STAG3: variants seen among roughly 807,000 people sequenced by gnomAD.
STAG3 encodes the protein STAG3 cohesin complex component, also known as cohesin subunit SA-3.
STAG3 carries 101 observed loss-of-function variants against 160.7 expected under a neutral mutation model. That is an observed-to-expected ratio of 0.63 (90% confidence interval 0.54 to 0.74). The LOEUF (loss-of-function observed/expected upper bound fraction) is 0.74. Among genes scored for constraint, STAG3 ranks in the 30% least tolerant of loss-of-function variants. The pLI is 0.00. For synonymous variants in STAG3, 519 were observed against 585.0 expected (o/e 0.89, Z 1.63); for missense variants, 1,188 against 1,517.4 (o/e 0.78, Z 3.61).
chr7:100,178,850 A>T (rs1300458002), intron 1 of STAG3, among the ~76,000 whole-genome samples: 3 of 144,534 alleles, frequency 2.1e-5, no homozygotes, highest in Non-Finnish European at 4.5e-5. Context: ...TTTTTTTGAG[A>T]CAGAGTCTCG....
rs756039501 is a variant in STAG3, at chr7:100,205,322, T to G, written c.3176T>G (p.Val1059Gly). The change falls in exon 29 of 34, where the codon GTG becomes GGG. Residue 1059 changes from valine (V) to glycine (G), a missense_variant. By Grantham distance (109) the Val-to-Gly change is moderately radical (BLOSUM62 -3). Around this residue, in one of 4 missense-constraint regions of STAG3, gnomAD observed 647 missense variants for 717.2 expected, o/e 0.90. Transcript: ENST00000615138. ...ACCTACTGCCACTCCCTCAGCCCTG[T>G]GGAGAACACAGCAGAGACCAGCCCT... is the stretch of plus-strand genomic sequence containing the variant. The part of the protein sequence containing the change: ...VTTYCHSLSP[V>G]ENTAETSPQV... The G allele has an allele frequency of 1.2e-6, 2 of 1,614,170 alleles. No individual in the cohort carries two copies. The highest frequency in any genetic ancestry group is 3.3e-5 in the Admixed American group (2 of 60,026).
rs1332217735 is a variant in STAG3, at chr7:100,189,541, G to T, written c.812G>T (p.Gly271Val). The change falls in exon 8 of 34, where the codon GGG (glycine) becomes GTG (valine). Residue 271 changes from glycine to valine, a missense_variant. Coordinates refer to ENST00000615138, the MANE Select transcript of STAG3 (RefSeq NM_001282717.2). Reference protein sequence around the residue: ...QRQYEAERNKGPGQRAPERLE... With the variant: ...QRQYEAERNKVPGQRAPERLE... ...CAGTATGAGGCTGAAAGAAACAAGG[G>T]GCCAGGGCAGAGGGCACCTGAGCGG... The T allele has an allele frequency of 6.2e-7, 1 of 1,613,986 alleles. No individual in the cohort carries two copies. Among genetic ancestry groups the T allele is most frequent in the Non-Finnish European group, 8.5e-7 (1 of 1,180,036 alleles).
chr7:100,189,136 CTT>C (rs1800204685), intron 7 of STAG3, 120 bp downstream of exon 7: 1 of 1,115,872 alleles, frequency 9.0e-7, no homozygotes, highest in South Asian at 1.5e-5. Context: ...GGCCATGCCT[CTT>C]TTATCCTAAA....
chr7:100,184,749 A>G, intron 4 of STAG3, among the ~76,000 whole-genome samples: 1 of 152,050 alleles, frequency 6.6e-6, no homozygotes, highest in Non-Finnish European at 1.5e-5. Flanking sequence ...TACAGGTGTG[A>G]GCCACCATGC....
In STAG3 at chr7:100,211,014, C is replaced by G; in HGVS notation, c.3242C>G (p.Pro1081Arg). 2 of 1,612,972 alleles carry G rather than the reference C, an allele frequency of 1.2e-6. No individual in the cohort carries two copies. Among genetic ancestry groups the G allele is most frequent in the Non-Finnish European group, 1.7e-6 (2 of 1,179,688 alleles). The change falls in exon 30 of 34, where the codon CCT (proline) becomes CGT (arginine). Residue 1081 changes from proline to arginine, a missense_variant. Transcript: ENST00000615138. ...AATGTATGCATCTGCTTGGCAGGGC[C>G]TGCCAAGCCTAACAGAGAGGACGTC... ...PSSKRRRVEG[P>R]AKPNREDVSS... is the part of the protein sequence containing the mutation.
At chr7:100,196,019 C>T (rs1369837442) in intron 9 of STAG3, among the ~76,000 whole-genome samples, 1 of 151,940 alleles carries the variant, frequency 6.6e-6, no homozygotes, top group African/African-American at 2.4e-5. Flanking sequence ...ATCCCAGCTG[C>T]TCAGGAGGCT....
chr7:100,181,922 CTT>C (rs1196500232), intron 2 of STAG3, among the ~76,000 whole-genome samples, 166 bp from the exon 3 acceptor site: 3 of 141,608 alleles, frequency 2.1e-5, no homozygotes, highest in South Asian at 2.3e-4. Context: ...AAAAAAAAGA[CTT>C]TGTCCCAACT....
intron 31 of STAG3, 33 bp from the exon 32 acceptor site, chr7:100,211,761 GT>G (rs2117539968): frequency 6.2e-7 from 1 of 1,610,322 alleles, no homozygotes; most frequent in Admixed American, 1.7e-5. Flanking sequence ...TCAAAGAACA[GT>G]TTGAAAAGCC....
chr7:100,217,402 C>A (rs1296898120), downstream of STAG3, among the ~76,000 whole-genome samples: 2 of 152,322 alleles, frequency 1.3e-5, no homozygotes. Flanking sequence ...AGGCCTTTGC[C>A]CAGCCTGGTA....
rs763110160 is a variant in STAG3 at position 100,211,038 on chromosome 7, TCTC to T, written c.3270_3272del (p.Ser1092del). The T allele has an allele frequency of 2.5e-6, 4 of 1,613,698 alleles. No individual in the cohort carries two copies. In the South Asian group the frequency reaches 3.3e-5, roughly 13 times the overall value. On this transcript the variant is annotated inframe_deletion, in exon 30 of 34. Coordinates refer to ENST00000615138, the MANE Select transcript of STAG3 (RefSeq NM_001282717.2). ...CCTGCCAAGCCTAACAGAGAGGACG[TCTC>T]CTCGTCCCAGGAAGAAAGTCTGCAG...
rs186790730 is a variant in STAG3 at position 100,193,800 on chromosome 7, T to C, written c.868-1509T>C. Among the ~76,000 whole-genome samples, 3 of 152,338 alleles carry C rather than the reference T, an allele frequency of 2.0e-5. No individual in the cohort carries two copies. The East Asian group carries it at 5.8e-4, about 29-fold the overall frequency. On this transcript the variant is annotated intron_variant, in intron 8 of 33. Coordinates refer to ENST00000615138, the MANE Select transcript of STAG3 (RefSeq NM_001282717.2). The stretch of plus-strand genomic sequence containing the variant: ...CAGCAATAAGACTGTTTAACTTTCT[T>C]ACCCTTTGTGTGTTCACTGGAGTAG...
downstream of STAG3, among the ~76,000 whole-genome samples, chr7:100,216,068 A>G (rs1406585367): frequency 2.0e-5 from 3 of 152,198 alleles, no homozygotes; most frequent in Non-Finnish European, 2.9e-5. Context: ...GATGGGAGTC[A>G]GATGATTCCA....
At chr7:100,194,099 C>T (rs1584694905) in intron 8 of STAG3, among the ~76,000 whole-genome samples, 1 of 152,038 alleles carries the variant, frequency 6.6e-6, no homozygotes, top group Non-Finnish European at 1.5e-5. Flanking sequence ...AGGTGCCCGC[C>T]ACCGCACCCA....
chr7:100,195,455 T>C (rs1197234377), intron 9 of STAG3, 73 bp downstream of exon 9: 5 of 1,412,740 alleles, frequency 3.5e-6, no homozygotes, highest in East Asian at 2.3e-5. Context: ...AATAAGGTTT[T>C]CCCCCCTCCA....
chr7:100,199,700 G>A, intron 16 of STAG3, 56 bp downstream of exon 16: 1 of 1,328,492 alleles, frequency 7.5e-7, no homozygotes, highest in Admixed American at 2.5e-5. Flanking sequence ...GACAGGCAAT[G>A]TGCATCCTTA....
intron 29 of STAG3, among the ~76,000 whole-genome samples, chr7:100,209,975 G>A (rs998406074): frequency 3.9e-5 from 6 of 152,216 alleles, no homozygotes; most frequent in Non-Finnish European, 7.3e-5. Flanking sequence ...GGGCTGTTAA[G>A]ATGGAGTTCA....
At chr7:100,197,948 C>T (rs1470659825) in intron 11 of STAG3, 72 bp downstream of exon 11, 1 of 1,512,916 alleles carries the variant, frequency 6.6e-7, no homozygotes, top group South Asian at 1.1e-5. Flanking sequence ...ATCTTTCTAC[C>T]CCTCATGCTC....
At chr7:100,201,704 C>T (rs547987688) in intron 21 of STAG3, 82 bp from the exon 22 acceptor site, 1 of 1,187,796 alleles carries the variant, frequency 8.4e-7, no homozygotes, top group South Asian at 1.2e-5. Context: ...CATTTTCTCT[C>T]CTCTTCACTG....
Position 100,207,593 on chromosome 7 carries a change from A to G in STAG3, c.3238+2209A>G, listed in dbSNP as rs995763682. ...GTCTTTTTATTGTTGAGTTGTAAGT[A>G]TTCTTTATATATTCTAGACATGAGA... On this transcript the variant is annotated intron_variant, in intron 29 of 33. Transcript: ENST00000615138. This position sits in a 1 kb window ranked among gnomAD's most constrained non-coding sequence, Gnocchi z 4.0. Among the ~76,000 whole-genome samples, 1 of 152,148 alleles carries G rather than the reference A, an allele frequency of 6.6e-6. No individual in the cohort carries two copies. The highest frequency in any genetic ancestry group is 1.5e-5 in the Non-Finnish European group (1 of 68,020).
Sources: gnomAD v4.1 joint callset for allele counts (sites outside exome capture counted in the v4.1 genomes callset) on GRCh38, gnomAD v4.1.1 for gene constraint, gnomAD v4.1.1 regional missense constraint, Gnocchi (gnomAD v3.1) non-coding constraint, MANE v1.5 for transcripts, NCBI Gene and HGNC (gene_info 2026-07-23, HGNC 2026-07-21) for gene names.